CSNK1G3: variants seen among roughly 807,000 people sequenced by gnomAD.
CSNK1G3 encodes the protein casein kinase I isoform gamma-3.
Under a neutral mutation model 64.3 loss-of-function variants are expected in CSNK1G3, and 23 were observed. The ratio of observed to expected loss-of-function variants is 0.36; its 90% CI spans 0.26 to 0.51. CSNK1G3 has a LOEUF of 0.51. Ranked by LOEUF, CSNK1G3 falls within the 20% of genes least tolerant of loss-of-function variation. The probability of loss-of-function intolerance (pLI) is 0.96; values close to 1 mark genes in which losing one functional copy is unlikely to be tolerated. For synonymous variants in CSNK1G3, 158 were observed against 162.2 expected, an observed-to-expected ratio of 0.97 and a Z score of 0.20; for missense variants, 357 against 510.5, an observed-to-expected ratio of 0.70 and a Z score of 2.90.
chr5:123,553,144 G>A lies in CSNK1G3; in HGVS notation c.216G>A (p.Lys72=), dbSNP rs747714308. 2.9e-6 allele frequency: 4 copies of A among 1,393,506 alleles called. No homozygotes were observed. The South Asian group carries it at 4.4e-5, about 15-fold the overall frequency. 86.3% of individuals were successfully genotyped at this position (1,393,506 alleles called of 1,614,324 possible). ...ACACAAATGAATATGTGGCAATTAA[G>A]TTGGTAAGTTCCTGTTTCTTAATTT... The change falls in exon 3 of 13, where the codon AAG becomes AAA. Residue 72 remains lysine (K), a synonymous_variant. Transcript: ENST00000345990.
Position 123,614,378 on chromosome 5 carries a change from C to T in CSNK1G3, c.1254C>T (p.Thr418=), listed in dbSNP as rs143856483. Residue 418 remains threonine, a synonymous_variant, in exon 13 of 13, where the codon ACC becomes ACT. Coordinates refer to ENST00000345990, the Ensembl canonical transcript of CSNK1G3. ...TTTTCAAACGAAGGAAAAGGAAAACCATACAGCGCCACAAATGACTCTGGA... is the reference window on the plus strand; with the variant it reads ...TTTTCAAACGAAGGAAAAGGAAAACTATACAGCGCCACAAATGACTCTGGA... The T allele has an allele frequency of 7.0e-4, 1,137 of 1,612,990 alleles. 1 individual carries two copies. Among genetic ancestry groups the T allele is most frequent in the Middle Eastern group, 9.9e-4 (6 of 6,058 alleles).
chr5:123,558,478 TC>T (rs1180710259), intron 4 of CSNK1G3, among the ~76,000 whole-genome samples: 1 of 152,198 alleles, frequency 6.6e-6, no homozygotes, highest in Non-Finnish European at 1.5e-5. Flanking sequence ...GAATTTTGTT[TC>T]TCCAGATTTA....
chr5:123,576,060 A>T, intron 6 of CSNK1G3, 97 bp downstream of exon 6: 1 of 667,092 alleles, frequency 1.5e-6, no homozygotes, highest in Non-Finnish European at 2.5e-6. Context: ...GCAGATTATA[A>T]TAGCTTTTAT....
chr5:123,527,900 T>C (rs1025717789), intron 1 of CSNK1G3, among the ~76,000 whole-genome samples: 1 of 152,174 alleles, frequency 6.6e-6, no homozygotes, highest in Non-Finnish European at 1.5e-5. Context: ...TTCTAACATA[T>C]TCAAATCTTT....
chr5:123,560,194 GC>G (rs1785407698), intron 4 of CSNK1G3, among the ~76,000 whole-genome samples: 2 of 152,086 alleles, frequency 1.3e-5, no homozygotes, highest in Admixed American at 1.3e-4. Context: ...CCTCAATATG[GC>G]TGTAACAAAA....
chr5:123,558,742 A>G (rs535069768), intron 4 of CSNK1G3, among the ~76,000 whole-genome samples: 18 of 152,226 alleles, frequency 1.2e-4, no homozygotes, highest in Non-Finnish European at 2.2e-4. Context: ...ATCACTGACA[A>G]CTGGGATTTA....
At chr5:123,571,997 A>T (rs1330937862) in intron 4 of CSNK1G3, among the ~76,000 whole-genome samples, 3 of 152,232 alleles carry the variant, frequency 2.0e-5, no homozygotes, top group African/African-American at 7.2e-5. Flanking sequence ...GGAGGGTCAC[A>T]TAAGTTGTTT....
intron 2 of CSNK1G3, among the ~76,000 whole-genome samples, chr5:123,551,888 ACAGT>A (rs1376763067): frequency 6.6e-6 from 1 of 152,170 alleles, no homozygotes; most frequent in Non-Finnish European, 1.5e-5. Context: ...ATCATATTGT[ACAGT>A]TTTTTCATTC....
chr5:123,543,508 G>A (rs184030902), intron 1 of CSNK1G3, among the ~76,000 whole-genome samples: 2 of 151,786 alleles, frequency 1.3e-5, no homozygotes, highest in Non-Finnish European at 1.5e-5. Flanking sequence ...CCACCTTACC[G>A]CACCACTCCA....
At chr5:123,547,897 T>C (rs1304606700) in intron 2 of CSNK1G3, among the ~76,000 whole-genome samples, 2 of 152,138 alleles carry the variant, frequency 1.3e-5, no homozygotes, top group African/African-American at 2.4e-5. Flanking sequence ...ATTATGAGCA[T>C]TAATCTTTCT....
chr5:123,610,097 G>A (rs1039762395), intron 12 of CSNK1G3, among the ~76,000 whole-genome samples: 1 of 152,126 alleles, frequency 6.6e-6, no homozygotes, highest in African/African-American at 2.4e-5. Flanking sequence ...AAGTGGATAG[G>A]GAGGAAGAAA....
intron 1 of CSNK1G3, among the ~76,000 whole-genome samples, chr5:123,530,634 A>G (rs545043125): frequency 3.9e-5 from 6 of 152,178 alleles, no homozygotes; most frequent in Non-Finnish European, 5.9e-5. Flanking sequence ...GCCCTGATCC[A>G]CAGTTTGGAG....
chr5:123,542,086 C>T (rs1335711254), intron 1 of CSNK1G3, among the ~76,000 whole-genome samples: 2 of 151,944 alleles, frequency 1.3e-5, no homozygotes, highest in East Asian at 3.9e-4. Flanking sequence ...ATATTTTCCC[C>T]ATCTGTTTTC....
At chr5:123,522,575 A>G (rs1397095494) in intron 1 of CSNK1G3, among the ~76,000 whole-genome samples, 1 of 151,918 alleles carries the variant, frequency 6.6e-6, no homozygotes, top group Non-Finnish European at 1.5e-5. Flanking sequence ...GTATTTGCCT[A>G]TAACCTTTGA....
At chr5:123,564,579 G>A (rs1377563422) in intron 4 of CSNK1G3, among the ~76,000 whole-genome samples, 1 of 152,012 alleles carries the variant, frequency 6.6e-6, no homozygotes, top group East Asian at 1.9e-4. Flanking sequence ...AATTTTATAG[G>A]CCCAAATTGG....
At chr5:123,527,239 T>C (rs1345010604) in intron 1 of CSNK1G3, among the ~76,000 whole-genome samples, 1 of 152,182 alleles carries the variant, frequency 6.6e-6, no homozygotes, top group Non-Finnish European at 1.5e-5. Flanking sequence ...CTATTATTTC[T>C]TGTTCAAGTA....
At chr5:123,604,598 A>G (rs1028465892) in intron 10 of CSNK1G3, 126 bp from the exon 12 acceptor site, 3 of 517,342 alleles carry the variant, frequency 5.8e-6, no homozygotes, top group Admixed American at 3.6e-5. Context: ...TGTTCCTCAC[A>G]TTAACTTTCT....
chr5:123,567,605 T>C (rs111997942), intron 4 of CSNK1G3, among the ~76,000 whole-genome samples: 1 of 151,516 alleles, frequency 6.6e-6, no homozygotes, highest in African/African-American at 2.4e-5. Flanking sequence ...GACTCCATTT[T>C]AAAAAAAAAT....
intron 1 of CSNK1G3, among the ~76,000 whole-genome samples, chr5:123,520,653 T>C (rs529051473): frequency 6.6e-6 from 1 of 152,054 alleles, no homozygotes; most frequent in African/African-American, 2.4e-5. Context: ...AAATTACTTA[T>C]CTTAAAATTT....
Sources: allele counts gnomAD v4.1 joint callset (sites outside exome capture counted in the v4.1 genomes callset), GRCh38; gene constraint gnomAD v4.1.1; transcripts MANE v1.5; gene names NCBI Gene and HGNC (gene_info 2026-07-23, HGNC 2026-07-21).